The following SORCS2 variants were observed in gnomAD, a reference collection of about 807,000 sequenced individuals.
SORCS2 encodes the protein VPS10 domain-containing receptor SorCS2.
In SORCS2, 100 loss-of-function variants were observed where a neutral mutation model predicts 141.6. The observed-to-expected ratio is 0.71, with a 90% CI of 0.60 to 0.83. The LOEUF is 0.83. Ranked by LOEUF, SORCS2 falls within the 40% of genes least tolerant of loss-of-function variation. The probability of loss-of-function intolerance (pLI) is 0.00; values close to 1 mark genes in which losing one functional copy is unlikely to be tolerated. For synonymous variants in SORCS2, 789 were observed against 676.9 expected (o/e 1.17, Z -2.57); for missense variants, 1,646 against 1,560.2 (o/e 1.05, Z -0.93).
Position 7,718,143 on chromosome 4 carries a change from G to A in SORCS2, c.2384G>A (p.Arg795Gln), listed in dbSNP as rs145113042. The A allele has an allele frequency of 2.8e-3, 4,457 of 1,611,728 alleles. 77 individuals carry two copies. The African/African-American group carries it at 0.044, about 16-fold the overall frequency. The change falls in exon 18 of 27, where the codon CGG becomes CAG. Residue 795 changes from arginine to glutamine, a missense_variant. Physicochemically the swap from Arg to Gln is conservative, Grantham distance 43. Transcript: ENST00000507866. ...ATTCAAGGCGAGGCGGTGGCCGTGCGGCCTGGAGAGGACGTCCTGTTTGTG... is the reference window on the plus strand; with the variant it reads ...ATTCAAGGCGAGGCGGTGGCCGTGCAGCCTGGAGAGGACGTCCTGTTTGTG... Reference protein sequence around the residue: ...VSIQGEAVAVRPGEDVLFVVR... With the variant: ...VSIQGEAVAVQPGEDVLFVVR...
At chr4:7,501,209 C>T (rs920575618) in intron 2 of SORCS2, among the ~76,000 whole-genome samples, 2 of 152,226 alleles carry the variant, frequency 1.3e-5, no homozygotes, top group African/African-American at 4.8e-5. Context: ...CACAGCCCTG[C>T]TCCCGTCACC....
At chr4:7,434,214 G>A (rs1727112046) in intron 2 of SORCS2, 3 of 1,613,602 alleles carry the variant, frequency 1.9e-6, no homozygotes, top group African/African-American at 2.7e-5. Flanking sequence ...TCTTGCAGAG[G>A]ACGGCCAGGC....
intron 14 of SORCS2, among the ~76,000 whole-genome samples, chr4:7,706,078 T>TGGGCTCCGC (rs1725423795): frequency 6.9e-6 from 1 of 144,128 alleles, no homozygotes; most frequent in African/African-American, 2.5e-5. Context: ...GAGGCTGGGC[T>TGGGCTCCGC]CTGCCTGGAC....
chr4:7,334,562 T>G (rs1719871753), intron 1 of SORCS2, among the ~76,000 whole-genome samples: 1 of 152,138 alleles, frequency 6.6e-6, no homozygotes, highest in Admixed American at 6.5e-5. Flanking sequence ...AACTTTTGTT[T>G]GTGGGTAATT....
At chr4:7,266,806 C>G (rs150769281) in intron 1 of SORCS2, among the ~76,000 whole-genome samples, 2,356 of 152,340 alleles carry the variant, frequency 0.015, 46 homozygotes, top group African/African-American at 0.053. Flanking sequence ...GCCTCAGTGG[C>G]TCCAGCATTG....
At chr4:7,611,094 C>G (rs116971250) in intron 3 of SORCS2, among the ~76,000 whole-genome samples, 1 of 152,160 alleles carries the variant, frequency 6.6e-6, no homozygotes, top group African/African-American at 2.4e-5. Flanking sequence ...AGCACCCACA[C>G]GTCTACATGG....
chr4:7,425,672 G>A (rs1345906146), intron 2 of SORCS2, among the ~76,000 whole-genome samples: 1 of 152,226 alleles, frequency 6.6e-6, no homozygotes, highest in Admixed American at 6.5e-5. Flanking sequence ...TTCAAGGCCT[G>A]CAGAGGGCCC....
intron 1 of SORCS2, among the ~76,000 whole-genome samples, chr4:7,330,839 A>G (rs1719611641): frequency 6.6e-6 from 1 of 151,848 alleles, no homozygotes; most frequent in South Asian, 2.1e-4. Flanking sequence ...GCACACCCCC[A>G]ACACCTCTCC....
chr4:7,495,007 G>A (rs1731527150), intron 2 of SORCS2, among the ~76,000 whole-genome samples: 1 of 152,212 alleles, frequency 6.6e-6, no homozygotes. Context: ...TGGGTCCTTG[G>A]CCTAGTCTGG....
chr4:7,280,491 C>A lies in SORCS2; in HGVS notation c.480+87365C>A, dbSNP rs149960166. Among the ~76,000 whole-genome samples, 7 of 152,324 alleles carry A rather than the reference C, an allele frequency of 4.6e-5. No individual in the cohort carries two copies. The East Asian group carries it at 1.3e-3, about 29-fold the overall frequency. On this transcript the variant is annotated intron_variant, in intron 1 of 26. Transcript: ENST00000507866. ...GCATTTGGGGAGCCCATCTCTTTTA[C>A]TTCTTGCAGAAGGATAACCCCATCA...
chr4:7,723,619 G>T lies in SORCS2; in HGVS notation c.2425-78G>T. 3 of 1,481,534 alleles carry T rather than the reference G, an allele frequency of 2.0e-6. No homozygotes were observed. The South Asian group carries it at 3.4e-5, about 17-fold the overall frequency. The allele number at this position is 1,481,534 out of a possible 1,614,324, so 91.8% of individuals were successfully genotyped here. ...CGGCAATGAATGAATGAGTGAGTGA[G>T]TGAGTGAGTGAATGAACCACTCTGG... On this transcript the variant is annotated intron_variant, in intron 18 of 26. Coordinates refer to ENST00000507866, the MANE Select transcript of SORCS2 (RefSeq NM_020777.3).
At position 7,339,360 on chromosome 4, in the gene SORCS2, G is replaced by C. The variant is rs149610324; in HGVS notation, c.481-56928G>C. Among the ~76,000 whole-genome samples, 511 of 152,352 alleles carry C rather than the reference G, an allele frequency of 3.4e-3. 7 individuals are homozygous for C. Among genetic ancestry groups the C allele is most frequent in the South Asian group, 0.027 (130 of 4,828 alleles). On this transcript the variant is annotated intron_variant, in intron 1 of 26. Transcript: ENST00000507866. ...GCAGTGCAACAGCTGGTGTAGGAAA[G>C]TTGTATGAGTCAGCCACAGCTGCGT...
intron 1 of SORCS2, among the ~76,000 whole-genome samples, chr4:7,303,772 C>T (rs59581458): frequency 6.6e-6 from 1 of 152,266 alleles, no homozygotes; most frequent in South Asian, 2.1e-4. Context: ...CCTTCTAAGG[C>T]CAAGTCAGAG....
intron 2 of SORCS2, chr4:7,433,541 G>T (rs753715246): frequency 1.2e-6 from 2 of 1,610,194 alleles, no homozygotes; most frequent in Non-Finnish European, 1.7e-6. Flanking sequence ...ATGAGCACGG[G>T]CTCGTACTGG....
chr4:7,291,144 G>C (rs1308760336), intron 1 of SORCS2, among the ~76,000 whole-genome samples: 2 of 152,126 alleles, frequency 1.3e-5, no homozygotes, highest in African/African-American at 4.8e-5. Context: ...CTAAGGCAGA[G>C]GCACCTGTGA....
At chr4:7,684,212 C>T (rs984383036) in intron 10 of SORCS2, among the ~76,000 whole-genome samples, 6 of 152,152 alleles carry the variant, frequency 3.9e-5, no homozygotes, top group African/African-American at 1.4e-4. Context: ...GCAGTCTTAG[C>T]CCCCTGACTA....
At chr4:7,656,238 G>A (rs911982885) in intron 5 of SORCS2, among the ~76,000 whole-genome samples, 9 of 152,224 alleles carry the variant, frequency 5.9e-5, no homozygotes, top group African/African-American at 1.9e-4. Flanking sequence ...GCCTGCAAGC[G>A]AGAGGGAGCA....
At chr4:7,650,721 CCCCG>C (rs1721383594) in intron 4 of SORCS2, among the ~76,000 whole-genome samples, 2 of 66,474 alleles carry the variant, frequency 3.0e-5, no homozygotes, top group Non-Finnish European at 5.8e-5. Flanking sequence ...TCTCTCCCCG[CCCCG>C]CCCAGCCCAG....
At chr4:7,258,778 C>T (rs564994468) in intron 1 of SORCS2, among the ~76,000 whole-genome samples, 3 of 152,244 alleles carry the variant, frequency 2.0e-5, no homozygotes, top group East Asian at 3.9e-4. Context: ...GGGAAACATC[C>T]TCTCCAGCAT....
Sources: allele counts gnomAD v4.1 joint callset (sites outside exome capture counted in the v4.1 genomes callset), GRCh38; gene constraint gnomAD v4.1.1; transcripts MANE v1.5; gene names NCBI Gene and HGNC (gene_info 2026-07-23, HGNC 2026-07-21).